Variants in PRKCH observed in about 807,000 individuals in gnomAD.
The protein encoded by PRKCH is protein kinase C eta type.
PRKCH carries 28 observed loss-of-function variants against 82.5 expected under a neutral mutation model. The observed-to-expected ratio is 0.34, with a 90% confidence interval of 0.25 to 0.47. PRKCH has a LOEUF of 0.47. Among genes scored for constraint, PRKCH ranks in the 20% least tolerant of loss-of-function variants. PRKCH has a pLI of 1.00. For missense variants in PRKCH, 705 were observed against 881.8 expected (o/e 0.80, Z 2.54); for synonymous variants, 322 against 327.4 (o/e 0.98, Z 0.18).
intron 12 of PRKCH, among the ~76,000 whole-genome samples, chr14:61,533,364 C>A (rs536101108): frequency 1.3e-5 from 2 of 149,626 alleles, no homozygotes; most frequent in East Asian, 3.9e-4. Flanking sequence ...ACTCTCCATG[C>A]CTAAAAACAA....
At chr14:61,482,482 T>G (rs748260254) in intron 9 of PRKCH, among the ~76,000 whole-genome samples, 2 of 152,188 alleles carry the variant, frequency 1.3e-5, no homozygotes, top group African/African-American at 2.4e-5. Flanking sequence ...TTGATAAACA[T>G]GTCTTTGTTT....
chr14:61,476,385 A>G (rs1363756253), intron 9 of PRKCH: 1 of 152,234 alleles, frequency 6.6e-6, no homozygotes, highest in Non-Finnish European at 1.5e-5. Flanking sequence ...TCCCAGCCCT[A>G]CACAATGATA....
chr14:61,221,200 G>A (rs1481838811), intron 1 of PRKCH, among the ~76,000 whole-genome samples: 2 of 152,132 alleles, frequency 1.3e-5, no homozygotes, highest in South Asian at 2.1e-4. Context: ...GAGAGCCCAC[G>A]GGTTACCGAG....
At chr14:61,507,859 A>G (rs1469409442) in intron 10 of PRKCH, among the ~76,000 whole-genome samples, 3 of 152,166 alleles carry the variant, frequency 2.0e-5, no homozygotes, top group East Asian at 1.9e-4. Context: ...ACTGTACAAC[A>G]TAAGACCTAT....
chr14:61,322,610 G>T, intron 1 of PRKCH, 146 bp downstream of exon 1: 1 of 1,207,910 alleles, frequency 8.3e-7, no homozygotes, highest in Non-Finnish European at 1.1e-6. Flanking sequence ...CGTGGCCGCG[G>T]CACTGGTGAC....
intron 2 of PRKCH, among the ~76,000 whole-genome samples, chr14:61,410,738 C>T (rs530866343): frequency 2.0e-5 from 3 of 152,320 alleles, no homozygotes; most frequent in African/African-American, 4.8e-5. Flanking sequence ...GTAGGCAACG[C>T]ACCCGACCTC....
Position 61,547,800 on chromosome 14 carries a change from G to C in PRKCH, c.1819G>C (p.Ala607Pro). The change falls in exon 13 of 14, where the codon GCC becomes CCC. Residue 607 changes from alanine (A) to proline (P), a missense_variant. Physicochemically the swap from Ala to Pro is conservative, Grantham distance 27. This residue lies in a region of PRKCH where 115 missense variants were observed against 193.8 expected (regional missense o/e 0.59). Transcript: ENST00000332981. ...LGSLTQGGEHAILRHPFFKEI... is the reference protein window; with the variant it reads ...LGSLTQGGEHPILRHPFFKEI... The stretch of plus-strand genomic sequence containing the variant: ...CAGCCTGACTCAGGGAGGCGAGCAC[G>C]CCATCTTGAGACATCCTTTTTTTAA... The C allele has an allele frequency of 1.2e-6, 2 of 1,614,158 alleles. No homozygotes were observed. Among genetic ancestry groups the C allele is most frequent in the South Asian group, 2.2e-5 (2 of 91,076 alleles).
chr14:61,537,279 C>CA (rs1463540235), intron 12 of PRKCH, among the ~76,000 whole-genome samples: 5 of 152,054 alleles, frequency 3.3e-5, no homozygotes, highest in African/African-American at 7.2e-5. Context: ...GAAATTAACA[C>CA]AAAAAAGGCA....
At chr14:61,528,592 G>T (rs1340580681) in intron 10 of PRKCH, among the ~76,000 whole-genome samples, 1 of 149,386 alleles carries the variant, frequency 6.7e-6, no homozygotes, top group Non-Finnish European at 1.5e-5. Context: ...GCAAATATTT[G>T]TCTCCCATTA....
chr14:61,495,929 A>G (rs1003357273), intron 10 of PRKCH, among the ~76,000 whole-genome samples: 4 of 152,230 alleles, frequency 2.6e-5, no homozygotes, highest in African/African-American at 9.6e-5. Context: ...TTACTGTTTG[A>G]CACAGAGATT....
intron 4 of PRKCH, among the ~76,000 whole-genome samples, chr14:61,446,921 A>G (rs145960621): frequency 2.6e-5 from 4 of 152,242 alleles, no homozygotes; most frequent in Non-Finnish European, 4.4e-5. Flanking sequence ...TCTTTGTCCT[A>G]TAGTGCCTGG....
chr14:61,280,304 C>G lies in PRKCH; in HGVS notation c.-19+92636C>G, dbSNP rs778232094. The G allele has an allele frequency of 6.2e-7, 1 of 1,613,890 alleles. No homozygotes were observed. The highest frequency in any genetic ancestry group is 8.5e-7 in the Non-Finnish European group (1 of 1,179,968). ...TTGTAGGTGATGTTGACGCGGTAGG[C>G]GCCCCGCGGCAGCCCGGCCGAGTAG... On this transcript the variant is annotated intron_variant, in intron 1 of 3. Coordinates refer to the PRKCH transcript ENST00000555185. This position sits in a 1 kb window ranked among gnomAD's most constrained non-coding sequence, Gnocchi z 5.0.
intron 10 of PRKCH, among the ~76,000 whole-genome samples, chr14:61,523,594 G>A (rs1230585944): frequency 6.6e-6 from 1 of 152,194 alleles, no homozygotes; most frequent in Non-Finnish European, 1.5e-5. Context: ...TATAGATAAA[G>A]CACTTAGCAT....
intron 1 of PRKCH, among the ~76,000 whole-genome samples, chr14:61,214,860 A>G (rs943299789): frequency 1.3e-5 from 2 of 152,174 alleles, no homozygotes; most frequent in African/African-American, 2.4e-5. Flanking sequence ...TTTAAAAATC[A>G]TTGTTTAAAT....
At chr14:61,354,745 T>C (rs2046126723) in intron 1 of PRKCH, among the ~76,000 whole-genome samples, 1 of 152,194 alleles carries the variant, frequency 6.6e-6, no homozygotes, top group Admixed American at 6.5e-5. Context: ...CCCAGAGTAT[T>C]TTAGGCTTTT....
At chr14:61,215,395 GC>G (rs1191357370) in intron 1 of PRKCH, among the ~76,000 whole-genome samples, 1 of 152,150 alleles carries the variant, frequency 6.6e-6, no homozygotes, top group Non-Finnish European at 1.5e-5. Context: ...CTGCTGGCCT[GC>G]CCTGTGGATT....
chr14:61,321,504 A>T (rs927880157), upstream of PRKCH, among the ~76,000 whole-genome samples: 4 of 152,020 alleles, frequency 2.6e-5, no homozygotes, highest in Non-Finnish European at 5.9e-5. This position sits in a 1 kb window ranked among gnomAD's most constrained non-coding sequence, Gnocchi z 4.1. Context: ...GGATCCACCC[A>T]CCGCAGGGCC....
chr14:61,428,314 A>C (rs373292464), intron 2 of PRKCH, among the ~76,000 whole-genome samples: 4 of 151,984 alleles, frequency 2.6e-5, no homozygotes, highest in African/African-American at 9.7e-5. Flanking sequence ...ATAAGGGTCT[A>C]TTCTGTCGGT....
chr14:61,218,142 G>T (rs2044628060), intron 1 of PRKCH, among the ~76,000 whole-genome samples: 1 of 152,136 alleles, frequency 6.6e-6, no homozygotes, highest in African/African-American at 2.4e-5. Flanking sequence ...ACTGGAAAAT[G>T]AAGTTAAAAC....
Sources: allele counts gnomAD v4.1 joint callset (sites outside exome capture counted in the v4.1 genomes callset), GRCh38; gene constraint gnomAD v4.1.1; regional missense constraint gnomAD v4.1.1; non-coding constraint Gnocchi (gnomAD v3.1); transcripts MANE v1.5; gene names NCBI Gene and HGNC (gene_info 2026-07-23, HGNC 2026-07-21).